Variants in NUAK1 observed in about 807,000 individuals in gnomAD.
The protein encoded by NUAK1 is NUAK family SNF1-like kinase 1.
Under a neutral mutation model 56.9 loss-of-function variants are expected in NUAK1, and 26 were observed. The ratio of observed to expected loss-of-function variants is 0.46; its 90% CI spans 0.33 to 0.63. The LOEUF (loss-of-function observed/expected upper bound fraction) is 0.63, where lower values mean the gene tolerates loss of function less well. NUAK1 is among the 30% of genes least tolerant of loss of function. The probability of loss-of-function intolerance (pLI) is 0.02; values close to 1 mark genes in which losing one functional copy is unlikely to be tolerated. For missense variants in NUAK1, 727 were observed against 876.1 expected, an observed-to-expected ratio of 0.83 and a Z score of 2.15; for synonymous variants, 337 against 336.0, an observed-to-expected ratio of 1.00 and a Z score of -0.03.
At position 106,138,884 on chromosome 12, in the gene NUAK1, G is replaced by T; in HGVS notation, c.-231C>A. On this transcript the variant is annotated 5_prime_UTR_variant, in exon 1 of 7. Transcript: ENST00000261402. This position sits in a 1 kb window ranked among gnomAD's most constrained non-coding sequence, Gnocchi z 5.0. Reference sequence around the variant, plus strand: ...CACCGCCCCCCGGCCGCGGCGAGCTGTGGAGCGTCGGGCGAGGTGGCGGCG... The same window carrying T: ...CACCGCCCCCCGGCCGCGGCGAGCTTTGGAGCGTCGGGCGAGGTGGCGGCG... 1 of 459,008 alleles carries T rather than the reference G, an allele frequency of 2.2e-6. No individual in the cohort carries two copies. The highest frequency in any genetic ancestry group is 3.5e-6 in the Non-Finnish European group (1 of 284,888). 28.4% of individuals were successfully genotyped at this position (459,008 alleles called of 1,614,324 possible). A position where few individuals can be genotyped will look rare whatever the true frequency, so the allele number is the denominator to read the frequency against.
chr12:106,070,997 AC>A (rs2032401507), intron 5 of NUAK1, 91 bp from the exon 6 acceptor site: 10 of 1,358,672 alleles, frequency 7.4e-6, no homozygotes, highest in Non-Finnish European at 1.0e-5. Flanking sequence ...GTGAGCAGCC[AC>A]CCCCAGCAGC....
intron 4 of NUAK1, among the ~76,000 whole-genome samples, chr12:106,074,110 T>C (rs2032437387): frequency 6.6e-6 from 1 of 152,284 alleles, no homozygotes; most frequent in African/African-American, 2.4e-5. Flanking sequence ...CCTGAGGCAG[T>C]TGGCAGGTTC....
chr12:106,108,122 G>A (rs1460910586), intron 1 of NUAK1, among the ~76,000 whole-genome samples: 1 of 152,074 alleles, frequency 6.6e-6, no homozygotes, highest in Non-Finnish European at 1.5e-5. Flanking sequence ...GGGGAGGGTT[G>A]CTGTTATTAA....
At chr12:106,095,020 G>A (rs2032681228) in intron 2 of NUAK1, among the ~76,000 whole-genome samples, 2 of 152,102 alleles carry the variant, frequency 1.3e-5, no homozygotes, top group African/African-American at 4.8e-5. Flanking sequence ...GGGCCCTAAG[G>A]TGGAAACGGG....
intron 1 of NUAK1, among the ~76,000 whole-genome samples, chr12:106,124,530 A>T (rs1218771237): frequency 6.6e-6 from 1 of 152,184 alleles, no homozygotes; most frequent in Non-Finnish European, 1.5e-5. Context: ...AGGCAAACAG[A>T]AGAGAATTCA....
At chr12:106,072,583 T>C (rs913680856) in intron 5 of NUAK1, 141 bp downstream of exon 5, 7 of 938,248 alleles carry the variant, frequency 7.5e-6, no homozygotes, top group Non-Finnish European at 1.1e-5. Flanking sequence ...TTAACTGCTT[T>C]TATAATCGTA....
At chr12:106,112,206 C>T (rs996342100) in intron 1 of NUAK1, among the ~76,000 whole-genome samples, 6 of 152,114 alleles carry the variant, frequency 3.9e-5, no homozygotes, top group African/African-American at 7.2e-5. Flanking sequence ...CCCAGCAACA[C>T]GAGCTGGCAA....
At chr12:106,096,899 C>T (rs1010100340) in intron 2 of NUAK1, among the ~76,000 whole-genome samples, 1 of 152,168 alleles carries the variant, frequency 6.6e-6, no homozygotes, top group Non-Finnish European at 1.5e-5. Context: ...CAGGCATCAG[C>T]ATTTTTTACA....
In NUAK1 at chr12:106,072,913, C is replaced by T. The variant is rs1033291604; in HGVS notation, c.580-70G>A. 5 of 1,565,036 alleles carry T rather than the reference C, an allele frequency of 3.2e-6. No individual in the cohort carries two copies. The African/African-American group carries it at 4.1e-5, about 13-fold the overall frequency. ...ATTATGTCTGTGTTGGATCAGTTCA[C>T]ACCACACAGCACACAGAGTGGATGA... is the stretch of plus-strand genomic sequence containing the variant. On this transcript the variant is annotated intron_variant, in intron 4 of 6. Transcript: ENST00000261402.
At chr12:106,136,396 G>A (rs975281072) in intron 1 of NUAK1, among the ~76,000 whole-genome samples, 3 of 152,096 alleles carry the variant, frequency 2.0e-5, no homozygotes, top group African/African-American at 7.2e-5. Flanking sequence ...AATCCTGACG[G>A]AATGTTCAGT....
At chr12:106,090,263 A>G (rs2032622004) in intron 2 of NUAK1, among the ~76,000 whole-genome samples, 1 of 152,092 alleles carries the variant, frequency 6.6e-6, no homozygotes, top group Non-Finnish European at 1.5e-5. Context: ...CCAGTCCCCC[A>G]TAGGAAGAAG....
chr12:106,136,559 A>G (rs2033131521), intron 1 of NUAK1, among the ~76,000 whole-genome samples: 1 of 152,176 alleles, frequency 6.6e-6, no homozygotes, highest in South Asian at 2.1e-4. Context: ...GGCGTCTGCC[A>G]TAAGACAAGG....
chr12:106,080,579 C>T (rs563063107), intron 4 of NUAK1, among the ~76,000 whole-genome samples: 2 of 152,298 alleles, frequency 1.3e-5, no homozygotes, highest in South Asian at 2.1e-4. Flanking sequence ...CACACCCTCT[C>T]GCAGTGCCAG....
intron 1 of NUAK1, among the ~76,000 whole-genome samples, chr12:106,130,145 C>T (rs2033062745): frequency 6.6e-6 from 1 of 152,150 alleles, no homozygotes; most frequent in African/African-American, 2.4e-5. Context: ...CCACGCCTGG[C>T]TAATTTTTGT....
intron 4 of NUAK1, 68 bp downstream of exon 4, chr12:106,083,796 C>T: frequency 7.3e-7 from 1 of 1,371,938 alleles, no homozygotes; most frequent in Non-Finnish European, 1.0e-6. Flanking sequence ...CGGCTTGGAG[C>T]AGGTTAAGCC....
chr12:106,112,015 T>C (rs563963158), intron 1 of NUAK1, among the ~76,000 whole-genome samples: 4 of 150,864 alleles, frequency 2.7e-5, no homozygotes, highest in African/African-American at 7.3e-5. Flanking sequence ...CAGAATCTCC[T>C]GTAGGATCCG....
chr12:106,138,399 G>A lies in NUAK1; in HGVS notation c.240+15C>T. On this transcript the variant is annotated intron_variant, in intron 1 of 6. Coordinates refer to ENST00000261402, the MANE Select transcript of NUAK1 (RefSeq NM_014840.3). This position sits in a 1 kb window ranked among gnomAD's most constrained non-coding sequence, Gnocchi z 5.0. ...ACCCAGCGCCCCCCGCACCCTCCAGGATTGCCCCACTCACCACTCGGCCAG... is the reference window on the plus strand; with the variant it reads ...ACCCAGCGCCCCCCGCACCCTCCAGAATTGCCCCACTCACCACTCGGCCAG... 6.3e-7 allele frequency: 1 copy of A among 1,598,856 alleles called. No homozygotes were observed. Among genetic ancestry groups the A allele is most frequent in the Non-Finnish European group, 8.5e-7 (1 of 1,174,468 alleles).
At chr12:106,105,189 G>C (rs1022802122) in intron 2 of NUAK1, among the ~76,000 whole-genome samples, 2 of 152,100 alleles carry the variant, frequency 1.3e-5, no homozygotes, top group African/African-American at 4.8e-5. Flanking sequence ...CTGACTTCAA[G>C]CCACCTGCCC....
chr12:106,087,631 T>C (rs964696822), intron 2 of NUAK1, among the ~76,000 whole-genome samples: 2 of 152,256 alleles, frequency 1.3e-5, no homozygotes, highest in Non-Finnish European at 2.9e-5. Context: ...ATATAGCACT[T>C]ACTGTGCACC....
Sources: allele counts gnomAD v4.1 joint callset (sites outside exome capture counted in the v4.1 genomes callset), GRCh38; gene constraint gnomAD v4.1.1; non-coding constraint Gnocchi (gnomAD v3.1); transcripts MANE v1.5; gene names NCBI Gene and HGNC (gene_info 2026-07-23, HGNC 2026-07-21).